Variants in GNB5 observed in about 807,000 individuals in gnomAD.
GNB5 encodes guanine nucleotide-binding protein subunit beta-5.
In GNB5, 37 loss-of-function variants were observed where a neutral mutation model predicts 55.3. The ratio of observed to expected loss-of-function variants is 0.67; its 90% CI spans 0.51 to 0.88. The LOEUF is 0.88. GNB5 is among the 40% of genes least tolerant of loss of function. GNB5 has a pLI of 0.00. For missense variants in GNB5, 476 were observed against 515.3 expected (o/e 0.92, Z 0.74); for synonymous variants, 219 against 198.5 (o/e 1.10, Z -0.87).
intron 3 of GNB5, among the ~76,000 whole-genome samples, chr15:52,170,657 C>A (rs1332315714): frequency 6.6e-6 from 1 of 151,588 alleles, no homozygotes; most frequent in Non-Finnish European, 1.5e-5. Flanking sequence ...CACATGTTTA[C>A]CTATGTAACA....
intron 10 of GNB5, among the ~76,000 whole-genome samples, chr15:52,126,322 T>C (rs1346854811): frequency 6.6e-6 from 1 of 151,928 alleles, no homozygotes; most frequent in African/African-American, 2.4e-5. Flanking sequence ...GAGACCCCAC[T>C]TTTTTTTCTG....
At chr15:52,135,011 G>A (rs1208173526) in intron 8 of GNB5, among the ~76,000 whole-genome samples, 1 of 151,930 alleles carries the variant, frequency 6.6e-6, no homozygotes, top group African/African-American at 2.4e-5. Context: ...GCAAAGCCCT[G>A]ACCCAGGCAC....
intron 8 of GNB5, among the ~76,000 whole-genome samples, chr15:52,134,979 G>A (rs533661031): frequency 8.5e-5 from 13 of 152,076 alleles, no homozygotes; most frequent in Middle Eastern, 6.8e-3. Flanking sequence ...AACTTATAGC[G>A]GATGCGACTT....
chr15:52,119,308 T>C lies in GNB5; in HGVS notation c.*3449A>G, dbSNP rs1471315836. On this transcript the variant is annotated 3_prime_UTR_variant, in exon 13 of 13. Transcript: ENST00000261837. ...GCGATGGGAGGGAGGGAGGAGGTGA[T>C]GAGAGGGAGGGAGGAGGGGTGACAG... The C allele has an allele frequency of 2.6e-5, 1 of 37,876 alleles. No individual in the cohort carries two copies. The allele number at this position is 37,876 out of a possible 1,614,324, so 2.3% of individuals were successfully genotyped here.
rs2141172619 is a variant in GNB5, at chr15:52,116,062, C to G, written c.*6695G>C. ...CGCCATATTTTGTTCATCGATTCAT[C>G]CACTGTGGAACATTGGGGCTGTTTC... On this transcript the variant is annotated 3_prime_UTR_variant, in exon 13 of 13. Transcript: ENST00000261837. 1 of 152,338 alleles carries G rather than the reference C, an allele frequency of 6.6e-6. No homozygotes were observed. Among genetic ancestry groups the G allele is most frequent in the South Asian group, 2.1e-4 (1 of 4,828 alleles). 9.4% of individuals were successfully genotyped at this position (152,338 alleles called of 1,614,324 possible). A position where few individuals can be genotyped will look rare whatever the true frequency, so the allele number is the denominator to read the frequency against.
intron 8 of GNB5, among the ~76,000 whole-genome samples, chr15:52,134,666 T>C (rs1387233939): frequency 6.6e-6 from 1 of 152,192 alleles, no homozygotes; most frequent in Non-Finnish European, 1.5e-5. Context: ...CTACAGCTCA[T>C]ACAGCCCTGG....
rs368372307 is a variant in GNB5 at position 52,122,662 on chromosome 15, C to A, written c.*95G>T. ...CCATGGGTTGCTCCCCTAAGCTACA[C>A]TGCAATAAACTCTAAGCTCCTCTAG... On this transcript the variant is annotated 3_prime_UTR_variant, in exon 13 of 13. Transcript: ENST00000261837. 2 of 1,007,886 alleles carry A rather than the reference C, an allele frequency of 2.0e-6. No individual in the cohort carries two copies. The highest frequency in any genetic ancestry group is 2.4e-5 in the East Asian group (1 of 42,236). 62.4% of individuals were successfully genotyped at this position (1,007,886 alleles called of 1,614,324 possible). A position where few individuals can be genotyped will look rare whatever the true frequency, so the allele number is the denominator to read the frequency against.
intron 6 of GNB5, among the ~76,000 whole-genome samples, chr15:52,142,957 C>G (rs1044789064): frequency 9.2e-5 from 14 of 152,060 alleles, no homozygotes; most frequent in African/African-American, 3.4e-4. Context: ...GAGTTCAAGA[C>G]CAGCCTGGCC....
chr15:52,170,667 A>C (rs1160813994), intron 3 of GNB5, among the ~76,000 whole-genome samples: 1 of 152,048 alleles, frequency 6.6e-6, no homozygotes, highest in African/African-American at 2.4e-5. Context: ...CCTATGTAAC[A>C]AAACTGCACA....
At chr15:52,154,964 A>G (rs1235850028) in intron 3 of GNB5, among the ~76,000 whole-genome samples, 1 of 152,202 alleles carries the variant, frequency 6.6e-6, no homozygotes, top group African/African-American at 2.4e-5. Context: ...GAGACTGATG[A>G]GTCTGAGAGG....
At chr15:52,129,312 G>C (rs1249195737) in intron 9 of GNB5, among the ~76,000 whole-genome samples, 1 of 152,138 alleles carries the variant, frequency 6.6e-6, no homozygotes, top group African/African-American at 2.4e-5. Context: ...AGCCGCAGGA[G>C]GAGGAGTCCT....
chr15:52,121,444 TAACAAA>T lies in GNB5; in HGVS notation c.*1307_*1312del, dbSNP rs1426685110. 1 of 152,146 alleles carries T rather than the reference TAACAAA, an allele frequency of 6.6e-6. No homozygotes were observed. The highest frequency in any genetic ancestry group is 1.5e-5 in the Non-Finnish European group (1 of 68,010). 9.4% of individuals were successfully genotyped at this position (152,146 alleles called of 1,614,324 possible). ...AAAAAAAGGAAAAGAAGGGATCCTA[TAACAAA>T]AAGCACTTCCTTCTTCTAGAAGGAA... is the stretch of plus-strand genomic sequence containing the variant. On this transcript the variant is annotated 3_prime_UTR_variant, in exon 13 of 13. Transcript: ENST00000261837.
Position 52,135,657 on chromosome 15 carries a change from A to G in GNB5, c.727T>C (p.Leu243=). ...CCAGTTTCTGAGGGGGCCAGGTCCA[A>G]GCAGAGGACGTCAGCCCCATGTCCG... is the stretch of plus-strand genomic sequence containing the variant. ...FHGHGADVLC[L]DLAPSETGNT... The change falls in exon 8 of 13, where the codon TTG becomes CTG. Residue 243 remains leucine, a synonymous_variant. Transcript: ENST00000261837. 3.7e-6 allele frequency: 6 copies of G among 1,613,728 alleles called. No individual in the cohort carries two copies. Among genetic ancestry groups the G allele is most frequent in the Non-Finnish European group, 5.1e-6 (6 of 1,179,844 alleles).
intron 6 of GNB5, among the ~76,000 whole-genome samples, chr15:52,141,745 A>C (rs1317887822): frequency 6.6e-6 from 1 of 152,126 alleles, no homozygotes; most frequent in Admixed American, 6.6e-5. Context: ...CCTTCTAAAC[A>C]CTTCCACTTG....
chr15:52,187,787 A>G (rs547806134), intron 1 of GNB5, among the ~76,000 whole-genome samples: 13 of 152,024 alleles, frequency 8.6e-5, no homozygotes, highest in Non-Finnish European at 1.8e-4. Flanking sequence ...CATCTCTACT[A>G]AAAATACAAA....
chr15:52,137,606 G>T (rs1406599999), intron 7 of GNB5: 8 of 1,119,974 alleles, frequency 7.1e-6, no homozygotes, highest in Non-Finnish European at 8.8e-6. Context: ...AAGGCACACA[G>T]GGGTGCCCAG....
chr15:52,179,845 A>G lies in GNB5; in HGVS notation c.161T>C (p.Leu54Pro). ...ATEGLHENET[L>P]ASLKSEAESL... is the part of the protein sequence containing the mutation. The stretch of plus-strand genomic sequence containing the variant: ...CTCGGCCTCGCTCTTCAGCGACGCC[A>G]GCGTCTCGTTCTCGTGCAGCCCCTC... The change falls in exon 3 of 13, where the codon CTG becomes CCG. Residue 54 changes from leucine to proline, a missense_variant. Coordinates refer to ENST00000261837, the MANE Select transcript of GNB5 (RefSeq NM_016194.4). 1 of 1,554,338 alleles carries G rather than the reference A, an allele frequency of 6.4e-7. No homozygotes were observed. The highest frequency in any genetic ancestry group is 8.7e-7 in the Non-Finnish European group (1 of 1,151,508).
At chr15:52,149,713 C>G in intron 5 of GNB5, 171 bp downstream of exon 5, 1 of 697,130 alleles carries the variant, frequency 1.4e-6, no homozygotes, top group South Asian at 1.5e-5. Flanking sequence ...AATGGGCTGG[C>G]TGAGCTGTTC....
intron 2 of GNB5, chr15:52,180,702 C>T (rs1489741978): frequency 6.6e-6 from 1 of 152,196 alleles, no homozygotes; most frequent in Non-Finnish European, 1.5e-5. Flanking sequence ...GAAGGGCTGG[C>T]ACAGTTCTGC....
Sources: allele counts gnomAD v4.1 joint callset (sites outside exome capture counted in the v4.1 genomes callset), GRCh38; gene constraint gnomAD v4.1.1; transcripts MANE v1.5; gene names NCBI Gene and HGNC (gene_info 2026-07-23, HGNC 2026-07-21).